The following RASA3 variants were observed in gnomAD, a reference collection of about 807,000 sequenced individuals.
RASA3 encodes ras GTPase-activating protein 3.
In RASA3, 73 loss-of-function variants were observed where a neutral mutation model predicts 110.0. The ratio of observed to expected loss-of-function variants is 0.66; its 90% CI spans 0.55 to 0.81. The LOEUF (loss-of-function observed/expected upper bound fraction) is 0.81, where lower values mean the gene tolerates loss of function less well. Ranked by LOEUF, RASA3 falls within the 30% of genes least tolerant of loss-of-function variation. The pLI is 0.00. For missense variants in RASA3, 976 were observed against 1,113.2 expected (o/e 0.88, Z 1.75); for synonymous variants, 500 against 451.4 (o/e 1.11, Z -1.37).
chr13:114,045,148 G>C (rs2079032470), intron 3 of RASA3, among the ~76,000 whole-genome samples: 1 of 152,178 alleles, frequency 6.6e-6, no homozygotes, highest in Non-Finnish European at 1.5e-5. Flanking sequence ...TTTGAAGCAT[G>C]CGTGTTCGTA....
intron 23 of RASA3, among the ~76,000 whole-genome samples, chr13:113,980,816 G>C (rs770600666): frequency 2.0e-5 from 3 of 152,160 alleles, no homozygotes; most frequent in Non-Finnish European, 4.4e-5. Context: ...GACCAGACCC[G>C]CATGGTGGAA....
intron 1 of RASA3, among the ~76,000 whole-genome samples, chr13:114,113,993 C>T (rs867980134): frequency 2.1e-5 from 3 of 141,096 alleles, no homozygotes; most frequent in African/African-American, 8.1e-5. Flanking sequence ...GATGTCCGTA[C>T]AGCTCACACC....
intron 1 of RASA3, among the ~76,000 whole-genome samples, chr13:114,107,130 G>A (rs2080144904): frequency 6.6e-6 from 1 of 152,172 alleles, no homozygotes; most frequent in Non-Finnish European, 1.5e-5. Flanking sequence ...TCTGCGGACA[G>A]CGTTCAGGCT....
intron 1 of RASA3, among the ~76,000 whole-genome samples, chr13:114,116,989 G>A (rs1395680551): frequency 1.5e-5 from 2 of 135,534 alleles, no homozygotes; most frequent in African/African-American, 2.8e-5. Flanking sequence ...GTGTGTGAGG[G>A]ATGCACATGT....
intron 3 of RASA3, among the ~76,000 whole-genome samples, chr13:114,051,008 G>A (rs575626810): frequency 6.6e-6 from 1 of 152,224 alleles, no homozygotes; most frequent in East Asian, 1.9e-4. Context: ...GCGTGGGGTG[G>A]AGCGGCCGTG....
chr13:114,053,015 G>A (rs9590542), intron 2 of RASA3, among the ~76,000 whole-genome samples: 9 of 69,042 alleles, frequency 1.3e-4, no homozygotes, highest in African/African-American at 4.4e-4. Flanking sequence ...AGAGACCCCC[G>A]CTGCTGACTG....
chr13:113,996,049 G>C (rs1461050623), intron 21 of RASA3, among the ~76,000 whole-genome samples: 3 of 48,338 alleles, frequency 6.2e-5, no homozygotes, highest in African/African-American at 2.5e-4. Context: ...CCCGGCTGAT[G>C]GGGGGGCCCG....
In RASA3 at chr13:114,112,381, C is replaced by T. The variant is rs531983355; in HGVS notation, c.55+20054G>A. 6.6e-6 allele frequency among the ~76,000 whole-genome samples: 1 copy of T among 152,308 alleles called. No homozygotes were observed. Among genetic ancestry groups the T allele is most frequent in the East Asian group, 1.9e-4 (1 of 5,180 alleles). On this transcript the variant is annotated intron_variant, in intron 1 of 23. Coordinates refer to ENST00000334062, the MANE Select transcript of RASA3 (RefSeq NM_007368.4). This position sits in a 1 kb window ranked among gnomAD's most constrained non-coding sequence, Gnocchi z 4.8. ...AAAGTCAGGGCCCTCCCCGAAGGAG[C>T]AGAAGCTCTGCGGGTGACTGTTTGG...
At chr13:114,009,106 C>T (rs6560940) in intron 17 of RASA3, among the ~76,000 whole-genome samples, 61,374 of 118,910 alleles carry the variant, frequency 0.52, 18,790 homozygotes, top group African/African-American at 0.75. Context: ...TGAGGTGGGA[C>T]GCGCCCTCAT....
chr13:114,061,676 C>CAA (rs397963864), intron 2 of RASA3, among the ~76,000 whole-genome samples: 54 of 96,262 alleles, frequency 5.6e-4, no homozygotes, highest in Admixed American at 1.7e-3. Context: ...GACTCTGTCT[C>CAA]AAAAAAAAAA....
intron 21 of RASA3, among the ~76,000 whole-genome samples, chr13:113,993,137 T>C (rs1336244272): frequency 6.6e-6 from 1 of 152,212 alleles, no homozygotes; most frequent in East Asian, 1.9e-4. Context: ...CCTTCAGTCA[T>C]TTCAAACACA....
intron 2 of RASA3, among the ~76,000 whole-genome samples, chr13:114,073,177 C>A (rs1350512439): frequency 2.6e-5 from 4 of 151,492 alleles, no homozygotes; most frequent in Non-Finnish European, 4.4e-5. Flanking sequence ...CAGAAAAATT[C>A]CCTACACGCA....
rs541210713 is a variant in RASA3, at chr13:113,978,930, G to A, written c.*417C>T. 3.6e-5 allele frequency: 7 copies of A among 192,018 alleles called. No homozygotes were observed. Among genetic ancestry groups the A allele is most frequent in the East Asian group, 2.7e-4 (2 of 7,420 alleles). 11.9% of individuals were successfully genotyped at this position (192,018 alleles called of 1,614,324 possible). On this transcript the variant is annotated 3_prime_UTR_variant, in exon 24 of 24. Transcript: ENST00000334062. Reference sequence around the variant, plus strand: ...CGGGCACAGAGCCACAGAGCCCAGCGTCACACGCACCGTGCACGCAAGACA... The same window carrying A: ...CGGGCACAGAGCCACAGAGCCCAGCATCACACGCACCGTGCACGCAAGACA...
At chr13:114,087,953 A>G (rs2079843188) in intron 1 of RASA3, among the ~76,000 whole-genome samples, 1 of 152,174 alleles carries the variant, frequency 6.6e-6, no homozygotes, top group African/African-American at 2.4e-5. Context: ...AACATAGCGA[A>G]ACCTCATCTC....
At chr13:113,993,827 A>AAAAAGAAAAG (rs1555324884) in intron 21 of RASA3, among the ~76,000 whole-genome samples, 1 of 125,612 alleles carries the variant, frequency 8.0e-6, no homozygotes, top group African/African-American at 3.2e-5. Flanking sequence ...AAAAAAAAAA[A>AAAAAGAAAAG]AAAAGAAAAG....
At chr13:114,038,227 A>G (rs983959533) in intron 4 of RASA3, among the ~76,000 whole-genome samples, 3 of 152,258 alleles carry the variant, frequency 2.0e-5, no homozygotes, top group African/African-American at 4.8e-5. Context: ...CCCAGAATAG[A>G]AGAGCTGGGG....
intron 1 of RASA3, among the ~76,000 whole-genome samples, chr13:114,116,907 ACG>A (rs2080285564): frequency 9.7e-6 from 1 of 102,754 alleles, no homozygotes. Context: ...TGAGGGGTGC[ACG>A]TGTGTGAGGG....
chr13:114,124,123 C>T lies in RASA3; in HGVS notation c.55+8312G>A, dbSNP rs559261154. 2.6e-5 allele frequency among the ~76,000 whole-genome samples: 4 copies of T among 152,258 alleles called. No homozygotes were observed. The East Asian group carries it at 7.7e-4, about 29-fold the overall frequency. ...AGGACACGCAGGTCAGCGCTGCAGCCGTTACTGGCTGTGTTGTGATACCAG... is the reference window on the plus strand; with the variant it reads ...AGGACACGCAGGTCAGCGCTGCAGCTGTTACTGGCTGTGTTGTGATACCAG... On this transcript the variant is annotated intron_variant, in intron 1 of 23. Transcript: ENST00000334062.
intron 1 of RASA3, among the ~76,000 whole-genome samples, chr13:114,099,415 G>A (rs1404524940): frequency 3.3e-5 from 5 of 151,844 alleles, no homozygotes; most frequent in Non-Finnish European, 7.4e-5. Context: ...CTGGGTCGGG[G>A]AGGGAGGGCG....
Sources: allele counts gnomAD v4.1 joint callset (sites outside exome capture counted in the v4.1 genomes callset), GRCh38; gene constraint gnomAD v4.1.1; non-coding constraint Gnocchi (gnomAD v3.1); transcripts MANE v1.5; gene names NCBI Gene and HGNC (gene_info 2026-07-23, HGNC 2026-07-21).